The following DNAJC12 variants were observed in gnomAD, a reference collection of about 807,000 sequenced individuals.
DNAJC12 encodes the protein dnaJ homolog subfamily C member 12.
DNAJC12 carries 25 observed loss-of-function variants against 28.5 expected under a neutral mutation model. The ratio of observed to expected loss-of-function variants is 0.88; its 90% CI spans 0.64 to 1.22. The LOEUF (loss-of-function observed/expected upper bound fraction) is 1.22. DNAJC12 is among the 50% of genes most tolerant of loss of function. DNAJC12 has a pLI of 0.00. For synonymous variants in DNAJC12, 77 were observed against 80.6 expected (o/e 0.95, Z 0.24); for missense variants, 222 against 231.7 (o/e 0.96, Z 0.27).
At chr10:67,821,375 G>A (rs1384323140) in intron 2 of DNAJC12, among the ~76,000 whole-genome samples, 1 of 152,006 alleles carries the variant, frequency 6.6e-6, no homozygotes, top group African/African-American at 2.4e-5. Context: ...AATTAACTGG[G>A]CATGGTGGCA....
At chr10:67,811,286 A>C in intron 3 of DNAJC12, 1 of 1,344,046 alleles carries the variant, frequency 7.4e-7, no homozygotes, top group African/African-American at 1.5e-5. Flanking sequence ...ATACTGAAAC[A>C]AACAGCCAAA....
intron 3 of DNAJC12, 69 bp from the exon 4 acceptor site, chr10:67,805,856 G>A: frequency 7.8e-7 from 1 of 1,289,946 alleles, no homozygotes; most frequent in Admixed American, 2.8e-5. Context: ...TTTAAAGTTT[G>A]ATATGTGGTA....
rs1280439629 is a variant in DNAJC12, at chr10:67,797,211, C to T, written c.503-1G>A. 1 of 1,612,246 alleles carries T rather than the reference C, an allele frequency of 6.2e-7. No homozygotes were observed. The highest frequency in any genetic ancestry group is 8.5e-7 in the Non-Finnish European group (1 of 1,178,958). On this transcript the variant is annotated splice_acceptor_variant, in intron 4 of 4. Transcript: ENST00000225171. LOFTEE classifies it high-confidence loss of function. ...TGCCAACCATTCACATCTGCAAAAC[C>T]TTTAAAGGAAAGAAAGTAAATATTT...
chr10:67,829,808 T>C (rs1275738188), intron 1 of DNAJC12, among the ~76,000 whole-genome samples: 4 of 152,168 alleles, frequency 2.6e-5, no homozygotes, highest in African/African-American at 9.6e-5. Context: ...TTAGAATACT[T>C]TACTCATTTA....
At position 67,805,726 on chromosome 10, in the gene DNAJC12, T is replaced by G. The variant is rs144721727; in HGVS notation, c.359A>C (p.His120Pro). 2 of 1,613,012 alleles carry G rather than the reference T, an allele frequency of 1.2e-6. No homozygotes were observed. Among genetic ancestry groups the G allele is most frequent in the South Asian group, 1.1e-5 (1 of 90,810 alleles). The change falls in exon 4 of 5, where the codon CAT (histidine) becomes CCT (proline). Residue 120 changes from histidine to proline, a missense_variant. His to Pro is a moderately conservative substitution (Grantham distance 77, BLOSUM62 -2). Transcript: ENST00000225171. ...DLMLEESDKT[H>P]TTKMENEECN... ...TTCCTCATTTTCCATCTTGGTGGTA[T>G]GAGTCTTGTCAGATTCTTCCAGCAT... is the stretch of plus-strand genomic sequence containing the variant.
At chr10:67,805,239 A>T (rs1841787029) in intron 4 of DNAJC12, among the ~76,000 whole-genome samples, 1 of 152,086 alleles carries the variant, frequency 6.6e-6, no homozygotes, top group Non-Finnish European at 1.5e-5. Flanking sequence ...CAGCCTCACA[A>T]GCTTGTAGTG....
intron 1 of DNAJC12, among the ~76,000 whole-genome samples, chr10:67,831,958 A>T (rs1842097740): frequency 6.6e-6 from 1 of 152,242 alleles, no homozygotes; most frequent in Non-Finnish European, 1.5e-5. Flanking sequence ...TATGATGCAA[A>T]ATGTGCTGCA....
At chr10:67,802,143 C>A (rs1434887625) in intron 4 of DNAJC12, among the ~76,000 whole-genome samples, 1 of 152,032 alleles carries the variant, frequency 6.6e-6, no homozygotes, top group African/African-American at 2.4e-5. Flanking sequence ...GGAGTACAGG[C>A]CCAAGCCACT....
intron 1 of DNAJC12, 75 bp downstream of exon 1, chr10:67,837,859 A>G: frequency 8.5e-7 from 1 of 1,174,298 alleles, no homozygotes; most frequent in Non-Finnish European, 1.2e-6. Flanking sequence ...TCAAAGTTAA[A>G]ACCTTAAATA....
intron 4 of DNAJC12, among the ~76,000 whole-genome samples, chr10:67,802,729 T>G (rs1046717734): frequency 4.6e-5 from 7 of 152,292 alleles, no homozygotes; most frequent in Middle Eastern, 3.4e-3. Context: ...TCATTCTGAA[T>G]GTAAGGATTT....
At position 67,823,218 on chromosome 10, in the gene DNAJC12, A is replaced by G. The variant is rs763857159; in HGVS notation, c.157+96T>C. 5.3e-4 allele frequency: 524 copies of G among 993,864 alleles called. 1 individual carries two copies. The highest frequency in any genetic ancestry group is 2.8e-3 in the Middle Eastern group (13 of 4,716). 61.6% of individuals were successfully genotyped at this position (993,864 alleles called of 1,614,324 possible). A position where few individuals can be genotyped will look rare whatever the true frequency, so the allele number is the denominator to read the frequency against. ...GAAAGAATACGGTTGAGCATAATAG[A>G]CAAGAGAAAATTGAGAAAATTAAGT... On this transcript the variant is annotated intron_variant, in intron 2 of 4. Transcript: ENST00000225171.
intron 2 of DNAJC12, among the ~76,000 whole-genome samples, chr10:67,822,869 C>G (rs1411383414): frequency 6.6e-6 from 1 of 151,886 alleles, no homozygotes; most frequent in African/African-American, 2.4e-5. Context: ...GTGGTGCACG[C>G]CTGTAGTCCC....
chr10:67,817,048 T>G (rs1291777960), intron 2 of DNAJC12, among the ~76,000 whole-genome samples: 1 of 147,174 alleles, frequency 6.8e-6, no homozygotes, highest in Non-Finnish European at 1.5e-5. Context: ...TAGATTTACT[T>G]TTTTTTTTTT....
chr10:67,801,212 T>C (rs1468518651), intron 4 of DNAJC12, among the ~76,000 whole-genome samples: 2 of 152,186 alleles, frequency 1.3e-5, no homozygotes, highest in African/African-American at 4.8e-5. Flanking sequence ...TATCTAGCAC[T>C]GCTTGAGGAA....
In DNAJC12 at chr10:67,837,952, T is replaced by A. The variant is rs953435259; in HGVS notation, c.60A>T (p.Gly20=). 1.2e-6 allele frequency: 2 copies of A among 1,606,696 alleles called. No homozygotes were observed. The highest frequency in any genetic ancestry group is 2.7e-5 in the African/African-American group (2 of 74,664). The change falls in exon 1 of 5, where the codon GGA becomes GGT. Residue 20 remains glycine (G), a synonymous_variant. Coordinates refer to ENST00000225171, the MANE Select transcript of DNAJC12 (RefSeq NM_021800.3). Reference sequence around the variant, plus strand: ...GTCTTACCGAAGATAGTTCATCACATCCCAGTAATGTGTAGTAATCTTCAG... The same window carrying A: ...GTCTTACCGAAGATAGTTCATCACAACCCAGTAATGTGTAGTAATCTTCAG... The part of the protein sequence containing the change: ...EDTEDYYTLL[G]CDELSSVEQI...
chr10:67,798,026 C>T (rs1184540500), intron 4 of DNAJC12, among the ~76,000 whole-genome samples: 5 of 138,816 alleles, frequency 3.6e-5, no homozygotes, highest in South Asian at 2.2e-4. Context: ...GGCGACAGAG[C>T]GAGATTCTGT....
At chr10:67,826,917 T>C (rs955605591) in intron 1 of DNAJC12, among the ~76,000 whole-genome samples, 4 of 140,154 alleles carry the variant, frequency 2.9e-5, no homozygotes, top group Non-Finnish European at 6.0e-5. Flanking sequence ...ATATATGATA[T>C]ATAATATATA....
rs554513145 is a variant in DNAJC12, at chr10:67,823,181, C to T, written c.157+133G>A. 1.4e-5 allele frequency: 10 copies of T among 696,846 alleles called. No homozygotes were observed. In the East Asian group the frequency reaches 2.7e-4, roughly 19 times the overall value. The allele number at this position is 696,846 out of a possible 1,614,324, so 43.2% of individuals were successfully genotyped here. A position where few individuals can be genotyped will look rare whatever the true frequency, so the allele number is the denominator to read the frequency against. On this transcript the variant is annotated intron_variant, in intron 2 of 4. Coordinates refer to ENST00000225171, the MANE Select transcript of DNAJC12 (RefSeq NM_021800.3). Reference sequence around the variant, plus strand: ...CACAGCCCTCTCCCTTTCTATCATCCAATAGTGCAAAGAAAGAATACGGTT... The same window carrying T: ...CACAGCCCTCTCCCTTTCTATCATCTAATAGTGCAAAGAAAGAATACGGTT...
rs923953756 is a variant in DNAJC12, at chr10:67,796,673, C to T, written c.*443G>A. On this transcript the variant is annotated 3_prime_UTR_variant, in exon 5 of 5. Coordinates refer to ENST00000225171, the MANE Select transcript of DNAJC12 (RefSeq NM_021800.3). ...ATTGAATTATAAATTCATTTATGAA[C>T]TTTGGGAAAATTATTTATTTCTCCC... 6.6e-6 allele frequency: 1 copy of T among 152,380 alleles called. No individual in the cohort carries two copies. Among genetic ancestry groups the T allele is most frequent in the African/African-American group, 2.4e-5 (1 of 41,454 alleles). The allele number at this position is 152,380 out of a possible 1,614,324, so 9.4% of individuals were successfully genotyped here.
Sources: gnomAD v4.1 joint callset for allele counts (sites outside exome capture counted in the v4.1 genomes callset) on GRCh38, gnomAD v4.1.1 for gene constraint, MANE v1.5 for transcripts, NCBI Gene and HGNC (gene_info 2026-07-23, HGNC 2026-07-21) for gene names.